The following ANKDD1A variants were observed in gnomAD, a reference collection of about 807,000 sequenced individuals.
ANKDD1A encodes ankyrin repeat and death domain containing 1A.
A neutral mutation model predicts 63.5 loss-of-function variants in ANKDD1A; 59 were observed. That is an observed-to-expected ratio of 0.93 (90% CI 0.75 to 1.15). The LOEUF (loss-of-function observed/expected upper bound fraction) is 1.15. ANKDD1A is among the 50% of genes most tolerant of loss of function. The probability of loss-of-function intolerance (pLI) is 0.00; values close to 1 mark genes in which losing one functional copy is unlikely to be tolerated. For synonymous variants in ANKDD1A, 266 were observed against 263.9 expected (o/e 1.01, Z -0.08); for missense variants, 632 against 656.4 (o/e 0.96, Z 0.41).
At chr15:64,954,033 C>CT (rs1197069084) in intron 14 of ANKDD1A, among the ~76,000 whole-genome samples, 7,317 of 107,558 alleles carry the variant, frequency 0.068, 617 homozygotes, top group East Asian at 0.22. Flanking sequence ...TCTTTTCTTT[C>CT]TTCTTCCTCT....
At chr15:64,942,415 T>C (rs557168645) in intron 9 of ANKDD1A, 52 bp from the exon 10 acceptor site, 1 of 1,406,466 alleles carries the variant, frequency 7.1e-7, no homozygotes, top group Admixed American at 2.0e-5. Context: ...AGCCTGCAGC[T>C]GGGCAGTCCT....
At chr15:64,941,977 C>T (rs920205670) in intron 9 of ANKDD1A, among the ~76,000 whole-genome samples, 4 of 152,146 alleles carry the variant, frequency 2.6e-5, no homozygotes, top group African/African-American at 4.8e-5. Flanking sequence ...AATAAGTCAT[C>T]GTTCCTATTA....
At chr15:64,912,092 C>T (rs1056360006) in intron 1 of ANKDD1A, 128 bp downstream of exon 1, 4 of 952,024 alleles carry the variant, frequency 4.2e-6, no homozygotes, top group Non-Finnish European at 4.1e-6. Flanking sequence ...GTCTGTGTGG[C>T]TCCGAGCGGA....
intron 4 of ANKDD1A, among the ~76,000 whole-genome samples, chr15:64,923,983 A>G (rs2085027374): frequency 6.6e-6 from 1 of 152,236 alleles, no homozygotes; most frequent in Non-Finnish European, 1.5e-5. Flanking sequence ...GTTTTTGGCA[A>G]CAAATCACTC....
intron 4 of ANKDD1A, among the ~76,000 whole-genome samples, chr15:64,922,754 G>T (rs1243396741): frequency 6.6e-6 from 1 of 152,214 alleles, no homozygotes; most frequent in South Asian, 2.1e-4. Flanking sequence ...CAATTCTCTT[G>T]CCTCAGCCCC....
At chr15:64,953,661 C>CCTCTTCCTTCTCCT (rs2085354259) in intron 14 of ANKDD1A, among the ~76,000 whole-genome samples, 27 of 3,634 alleles carry the variant, frequency 7.4e-3, no homozygotes, top group East Asian at 0.043. Flanking sequence ...TCCTTCTTTT[C>CCTCTTCCTTCTCCT]TTTCTTCTCC....
At chr15:64,945,163 G>A (rs2085212994) in intron 12 of ANKDD1A, among the ~76,000 whole-genome samples, 1 of 152,308 alleles carries the variant, frequency 6.6e-6, no homozygotes, top group African/African-American at 2.4e-5. Context: ...TTCATTAGTC[G>A]TGTCTCCTGT....
At chr15:64,939,076 G>A (rs978010858) in intron 9 of ANKDD1A, among the ~76,000 whole-genome samples, 1 of 152,150 alleles carries the variant, frequency 6.6e-6, no homozygotes, top group Non-Finnish European at 1.5e-5. Context: ...GAGGAAACTG[G>A]ATGTGGGGTA....
chr15:64,913,798 TG>T (rs2084949734), intron 1 of ANKDD1A, among the ~76,000 whole-genome samples: 1 of 152,158 alleles, frequency 6.6e-6, no homozygotes, highest in South Asian at 2.1e-4. Flanking sequence ...ACAAAGGGGC[TG>T]GGTTCAGACA....
intron 9 of ANKDD1A, among the ~76,000 whole-genome samples, chr15:64,938,243 G>A (rs2085151245): frequency 6.6e-6 from 1 of 152,170 alleles, no homozygotes; most frequent in African/African-American, 2.4e-5. Context: ...CTTAAGTACA[G>A]GCTGTGCATA....
At chr15:64,926,331 G>A (rs371565563) in intron 5 of ANKDD1A, among the ~76,000 whole-genome samples, 161 bp downstream of exon 5, 9 of 152,214 alleles carry the variant, frequency 5.9e-5, no homozygotes, top group East Asian at 1.9e-4. Flanking sequence ...GTGTTGAGGC[G>A]CAAATGAGCA....
chr15:64,928,953 C>T (rs540220103), intron 6 of ANKDD1A, among the ~76,000 whole-genome samples: 2 of 152,352 alleles, frequency 1.3e-5, no homozygotes, highest in South Asian at 2.1e-4. Context: ...ACGGTCTCTA[C>T]ACCCTGCTAA....
At chr15:64,930,517 G>T (rs2085081116) in intron 6 of ANKDD1A, among the ~76,000 whole-genome samples, 1 of 152,240 alleles carries the variant, frequency 6.6e-6, no homozygotes, top group Non-Finnish European at 1.5e-5. Flanking sequence ...GCGCAGGGGA[G>T]AGTTGCTGGG....
chr15:64,944,740 G>A lies in ANKDD1A; in HGVS notation c.1154G>A (p.Trp385Ter). 1 of 1,613,982 alleles carries A rather than the reference G, an allele frequency of 6.2e-7. No homozygotes were observed. Among genetic ancestry groups the A allele is most frequent in the Non-Finnish European group, 8.5e-7 (1 of 1,179,890 alleles). Residue 385 changes from tryptophan (W) to a stop codon, truncating the protein, a stop_gained, in exon 12 of 15, where the codon TGG (tryptophan) becomes TAG (stop). Coordinates refer to ENST00000319580, the MANE Select transcript of ANKDD1A (RefSeq NM_182703.6). LOFTEE classifies it high-confidence loss of function. ...MIIKADRFYR[W>*]EKDHPSDPSG... ...ATAAAAGCTGATCGTTTCTACAGAT[G>A]GGAGAAGGTACGGAGGCCTCACGCT...
At position 64,944,597 on chromosome 15, in the gene ANKDD1A, CT is replaced by C; in HGVS notation, c.1066-53del. The C allele has an allele frequency of 1.9e-6, 3 of 1,542,778 alleles. No homozygotes were observed. The Admixed American group carries it at 5.4e-5, about 28-fold the overall frequency. On this transcript the variant is annotated intron_variant, in intron 11 of 14. Coordinates refer to ENST00000319580, the MANE Select transcript of ANKDD1A (RefSeq NM_182703.6). ...GGGTTTGTCCTCAGTGCTAGAAACC[CT>C]TGTGTACCCCTCCTGTAGAAACTCT... is the stretch of plus-strand genomic sequence containing the variant.
intron 12 of ANKDD1A, 45 bp from the exon 13 acceptor site, chr15:64,947,359 G>A: frequency 6.3e-7 from 1 of 1,587,268 alleles, no homozygotes; most frequent in Non-Finnish European, 8.6e-7. Context: ...CCCCTGTCTG[G>A]GATCATGAGG....
intron 9 of ANKDD1A, among the ~76,000 whole-genome samples, chr15:64,936,310 C>T (rs1206257686): frequency 6.6e-6 from 1 of 152,072 alleles, no homozygotes; most frequent in African/African-American, 2.4e-5. Context: ...AGGCTAAATG[C>T]TTACTTGTTT....
chr15:64,950,832 A>C, intron 14 of ANKDD1A: 3 of 1,063,012 alleles, frequency 2.8e-6, no homozygotes, highest in Non-Finnish European at 3.4e-6. Flanking sequence ...TTTCCCCAAA[A>C]TGTTCTTAAA....
At chr15:64,939,807 G>T (rs1006204213) in intron 9 of ANKDD1A, among the ~76,000 whole-genome samples, 1 of 152,132 alleles carries the variant, frequency 6.6e-6, no homozygotes, top group African/African-American at 2.4e-5. Flanking sequence ...GCAAAAAAAT[G>T]AGCCTCAACT....
Sources: allele counts gnomAD v4.1 joint callset (sites outside exome capture counted in the v4.1 genomes callset), GRCh38; gene constraint gnomAD v4.1.1; transcripts MANE v1.5; gene names NCBI Gene and HGNC (gene_info 2026-07-23, HGNC 2026-07-21).